IL4R: variants seen among roughly 807,000 people sequenced by gnomAD.
IL4R encodes the protein interleukin-4 receptor subunit alpha.
In IL4R, 17 loss-of-function variants were observed where a neutral mutation model predicts 41.5. The ratio of observed to expected loss-of-function variants is 0.41; its 90% CI spans 0.28 to 0.61. IL4R has a LOEUF of 0.61. Ranked by LOEUF, IL4R falls within the 20% of genes least tolerant of loss-of-function variation. The pLI is 0.31. For missense variants in IL4R, 974 were observed against 1,043.1 expected (o/e 0.93, Z 0.91); for synonymous variants, 402 against 422.9 (o/e 0.95, Z 0.61).
At chr16:27,361,274 T>C (rs2141217582) in intron 10 of IL4R, among the ~76,000 whole-genome samples, 1 of 152,016 alleles carries the variant, frequency 6.6e-6, no homozygotes, top group Non-Finnish European at 1.5e-5. Context: ...GAGTAGCTGA[T>C]ACTACAGATG....
chr16:27,347,017 A>G (rs1190564110), intron 6 of IL4R, among the ~76,000 whole-genome samples: 1 of 152,200 alleles, frequency 6.6e-6, no homozygotes, highest in Non-Finnish European at 1.5e-5. Context: ...TTTGAGGCCA[A>G]CGGGTTAAGG....
intron 2 of IL4R, among the ~76,000 whole-genome samples, chr16:27,337,759 AT>A (rs1029715925): frequency 4.7e-5 from 7 of 148,014 alleles, no homozygotes; most frequent in African/African-American, 1.2e-4. Flanking sequence ...TTTTTTTTGT[AT>A]TTTTGGTAGA....
In IL4R at chr16:27,363,976, C is replaced by A; in HGVS notation, c.*146C>A. On this transcript the variant is annotated 3_prime_UTR_variant, in exon 11 of 11. Transcript: ENST00000395762. The stretch of plus-strand genomic sequence containing the variant: ...GTATGAAGGTGATTGGCCCCACTGA[C>A]GTTGGCCTAACACTGGGCTGCAGAG... 1.0e-6 allele frequency: 1 copy of A among 959,588 alleles called. No individual in the cohort carries two copies. Among genetic ancestry groups the A allele is most frequent in the Non-Finnish European group, 1.5e-6 (1 of 645,548 alleles). 59.4% of individuals were successfully genotyped at this position (959,588 alleles called of 1,614,324 possible). A position where few individuals can be genotyped will look rare whatever the true frequency, so the allele number is the denominator to read the frequency against.
At chr16:27,340,714 C>T (rs760746389) in intron 3 of IL4R, among the ~76,000 whole-genome samples, 39 of 151,732 alleles carry the variant, frequency 2.6e-4, no homozygotes, top group South Asian at 1.9e-3. Flanking sequence ...AAAGTGAGAC[C>T]CTGTCAAAAA....
chr16:27,321,221 G>A (rs2084804667), intron 1 of IL4R, among the ~76,000 whole-genome samples: 1 of 152,096 alleles, frequency 6.6e-6, no homozygotes, highest in Admixed American at 6.5e-5. Context: ...TGGTATTACA[G>A]GTGTGAGCCA....
At chr16:27,358,798 A>G in intron 8 of IL4R, 118 bp from the exon 9 acceptor site, 1 of 737,348 alleles carries the variant, frequency 1.4e-6, no homozygotes, top group African/African-American at 1.7e-5. Context: ...GACCTCCAGA[A>G]ACTAATCAGC....
At chr16:27,341,034 G>A in intron 3 of IL4R, 1 of 620,352 alleles carries the variant, frequency 1.6e-6, no homozygotes, top group South Asian at 1.5e-5. Flanking sequence ...TGCAGTGTTT[G>A]AGCAGAGGAT....
intron 9 of IL4R, among the ~76,000 whole-genome samples, chr16:27,359,206 G>A (rs925949352): frequency 2.6e-5 from 4 of 152,186 alleles, no homozygotes; most frequent in African/African-American, 4.8e-5. Flanking sequence ...AGCCTGGGGT[G>A]GGCTTCTCTG....
At chr16:27,347,481 G>A (rs1412472809) in intron 6 of IL4R, among the ~76,000 whole-genome samples, 3 of 152,176 alleles carry the variant, frequency 2.0e-5, no homozygotes, top group Non-Finnish European at 2.9e-5. Context: ...GTGAGCCACC[G>A]CACCTGGCCA....
chr16:27,331,058 A>G (rs34943813), intron 2 of IL4R, among the ~76,000 whole-genome samples: 16,591 of 151,988 alleles, frequency 0.11, 1,101 homozygotes, highest in Non-Finnish European at 0.14. Flanking sequence ...ATCCCCCCAG[A>G]CTTCTCAAAA....
chr16:27,354,972 T>C, intron 7 of IL4R: 1 of 460,630 alleles, frequency 2.2e-6, no homozygotes, highest in Non-Finnish European at 4.6e-6. Context: ...GGGAACTAGC[T>C]TGTATGAAAC....
At chr16:27,341,802 G>A (rs950022601) in intron 3 of IL4R, among the ~76,000 whole-genome samples, 30 of 152,184 alleles carry the variant, frequency 2.0e-4, no homozygotes, top group African/African-American at 7.2e-4. Context: ...TGATGGAATG[G>A]CACTCCTTAA....
intron 1 of IL4R, among the ~76,000 whole-genome samples, chr16:27,322,442 G>A (rs1276570676): frequency 6.6e-6 from 1 of 152,124 alleles, no homozygotes; most frequent in Non-Finnish European, 1.5e-5. Context: ...CTCCCAAAGT[G>A]CTGGGATTAC....
At position 27,363,194 on chromosome 16, in the gene IL4R, T is replaced by C; in HGVS notation, c.1842T>C (p.Ala614=). 3 of 1,610,716 alleles carry C rather than the reference T, an allele frequency of 1.9e-6. No homozygotes were observed. The highest frequency in any genetic ancestry group is 2.5e-6 in the Non-Finnish European group (3 of 1,178,070). ...KAFSSLLASS[A]VSPEKCGFGA... is the part of the protein sequence containing the mutation. ...TCTCAAGCCTGCTTGCCAGCAGTGC[T>C]GTGTCCCCAGAGAAATGTGGGTTTG... The change falls in exon 11 of 11, where the codon GCT becomes GCC. Residue 614 remains alanine, a synonymous_variant. Transcript: ENST00000395762.
intron 1 of IL4R, among the ~76,000 whole-genome samples, chr16:27,317,988 T>C (rs1490407543): frequency 6.6e-6 from 1 of 152,224 alleles, no homozygotes; most frequent in Non-Finnish European, 1.5e-5. Context: ...ACCAAGTCCT[T>C]TGCTCTCCTG....
rs1232377356 is a variant in IL4R at position 27,363,402 on chromosome 16, G to A, written c.2050G>A (p.Glu684Lys). Residue 684 changes from glutamate (E) to lysine (K), a missense_variant, in exon 11 of 11, where the codon GAA becomes AAA. Glu to Lys is a moderately conservative substitution (Grantham distance 56, BLOSUM62 1). Transcript: ENST00000395762. The part of the protein sequence containing the change: ...SPEHLGLEPG[E>K]KVEDMPKPPL... ...AGAGCACCTGGGTCTGGAGCCGGGG[G>A]AAAAGGTAGAGGACATGCCAAAGCC... 4.3e-6 allele frequency: 7 copies of A among 1,614,036 alleles called. No homozygotes were observed. In the East Asian group the frequency reaches 1.6e-4, roughly 36 times the overall value.
At chr16:27,325,398 C>G (rs2084930033) in intron 1 of IL4R, among the ~76,000 whole-genome samples, 1 of 152,002 alleles carries the variant, frequency 6.6e-6, no homozygotes, top group Non-Finnish European at 1.5e-5. Flanking sequence ...ATGGCAAAAC[C>G]CTGTGTCTGC....
intron 6 of IL4R, among the ~76,000 whole-genome samples, chr16:27,350,572 AGAG>A (rs1203656954): frequency 6.6e-6 from 1 of 152,096 alleles, no homozygotes; most frequent in Non-Finnish European, 1.5e-5. Flanking sequence ...GGGCTGAGGA[AGAG>A]GAGAGGGAGG....
chr16:27,334,672 T>TA (rs1011214849), intron 2 of IL4R, among the ~76,000 whole-genome samples: 1 of 152,042 alleles, frequency 6.6e-6, no homozygotes, highest in African/African-American at 2.4e-5. Flanking sequence ...GTTGTGAGAG[T>TA]AAAAGTTACT....
Sources: allele counts gnomAD v4.1 joint callset (sites outside exome capture counted in the v4.1 genomes callset), GRCh38; gene constraint gnomAD v4.1.1; transcripts MANE v1.5; gene names NCBI Gene and HGNC (gene_info 2026-07-23, HGNC 2026-07-21).